Variants in XYLT1 observed in about 807,000 individuals in gnomAD.
XYLT1 encodes the protein xylosyltransferase 1.
XYLT1 carries 36 observed loss-of-function variants against 91.3 expected under a neutral mutation model. The ratio of observed to expected loss-of-function variants is 0.39; its 90% confidence interval spans 0.30 to 0.52. The LOEUF is 0.52. Ranked by LOEUF, XYLT1 falls within the 20% of genes least tolerant of loss-of-function variation. The pLI, the probability that XYLT1 is intolerant of heterozygous loss-of-function variation, is 0.68. For missense variants in XYLT1, 1,242 were observed against 1,284.5 expected, an observed-to-expected ratio of 0.97 and a Z score of 0.51; for synonymous variants, 588 against 532.0, an observed-to-expected ratio of 1.11 and a Z score of -1.45.
At chr16:17,180,259 A>G (rs2032038073) in intron 5 of XYLT1, among the ~76,000 whole-genome samples, 1 of 152,208 alleles carries the variant, frequency 6.6e-6, no homozygotes, top group African/African-American at 2.4e-5. Flanking sequence ...TGGTTGCACC[A>G]CAACCCAGCA....
rs542059799 is a variant in XYLT1, at chr16:17,375,418, C to T, written c.364-17368G>A. ...CATCCAACAGACCCCTGGGCAAAAACCCTGTCGCAATGCAAAAAAAAAAAT... is the reference window on the plus strand; with the variant it reads ...CATCCAACAGACCCCTGGGCAAAAATCCTGTCGCAATGCAAAAAAAAAAAT... On this transcript the variant is annotated intron_variant, in intron 1 of 11. Transcript: ENST00000261381. 5.4e-5 allele frequency among the ~76,000 whole-genome samples: 8 copies of T among 147,712 alleles called. No homozygotes were observed. In the South Asian group the frequency reaches 1.7e-3, roughly 32 times the overall value.
intron 5 of XYLT1, among the ~76,000 whole-genome samples, chr16:17,179,862 G>T (rs755372914): frequency 6.6e-6 from 1 of 152,124 alleles, no homozygotes; most frequent in Non-Finnish European, 1.5e-5. Flanking sequence ...GATAAACATG[G>T]ACATTTTCAA....
chr16:17,231,569 A>AT, intron 3 of XYLT1, among the ~76,000 whole-genome samples: 1 of 152,094 alleles, frequency 6.6e-6, no homozygotes, highest in Admixed American at 6.5e-5. Context: ...TTGTTATGAG[A>AT]TTTTGTTGCT....
intron 11 of XYLT1, among the ~76,000 whole-genome samples, chr16:17,110,288 C>T (rs1391348): frequency 0.18 from 27,935 of 152,144 alleles, 2,865 homozygotes; most frequent in South Asian, 0.32. Context: ...ATGGTTTGGC[C>T]GTGTCCCCAC....
At chr16:17,407,090 C>T (rs906484033) in intron 1 of XYLT1, among the ~76,000 whole-genome samples, 15 of 152,276 alleles carry the variant, frequency 9.9e-5, no homozygotes, top group Non-Finnish European at 1.8e-4. Flanking sequence ...CAACCTCTGC[C>T]TCCGGAGTTC....
chr16:17,240,768 C>T (rs1179548995), intron 3 of XYLT1, among the ~76,000 whole-genome samples: 1 of 152,126 alleles, frequency 6.6e-6, no homozygotes, highest in East Asian at 1.9e-4. Flanking sequence ...GCACCAGGTA[C>T]TTTATTATGT....
At chr16:17,267,307 A>G (rs2033821139) in intron 2 of XYLT1, among the ~76,000 whole-genome samples, 1 of 152,260 alleles carries the variant, frequency 6.6e-6, no homozygotes. Context: ...TCTATTTAAC[A>G]AAACAACATT....
intron 1 of XYLT1, among the ~76,000 whole-genome samples, chr16:17,455,004 C>G (rs1388044982): frequency 7.1e-6 from 1 of 141,692 alleles, no homozygotes; most frequent in Admixed American, 8.0e-5. Context: ...GGCTTGTAAG[C>G]TGGGGTTCGC....
chr16:17,262,921 G>A (rs1017177489), intron 2 of XYLT1, among the ~76,000 whole-genome samples: 1 of 152,126 alleles, frequency 6.6e-6, no homozygotes, highest in African/African-American at 2.4e-5. Context: ...TCAGGTACAG[G>A]AGCCAATTTT....
chr16:17,356,964 C>G (rs1007628502), intron 2 of XYLT1, among the ~76,000 whole-genome samples: 2 of 151,822 alleles, frequency 1.3e-5, no homozygotes, highest in African/African-American at 4.8e-5. Context: ...ATCACAAGGT[C>G]AGGAGATCAA....
intron 6 of XYLT1, among the ~76,000 whole-genome samples, chr16:17,148,196 C>T (rs142523626): frequency 1.3e-5 from 2 of 152,344 alleles, no homozygotes; most frequent in East Asian, 3.9e-4. Context: ...ATGCTTCTCA[C>T]AGGGCCTTGC....
chr16:17,458,182 G>A lies in XYLT1; in HGVS notation c.363+12252C>T, dbSNP rs574260032. Among the ~76,000 whole-genome samples, 17 of 152,304 alleles carry A rather than the reference G, an allele frequency of 1.1e-4. No homozygotes were observed. The East Asian group carries it at 2.3e-3, about 21-fold the overall frequency. On this transcript the variant is annotated intron_variant, in intron 1 of 11. Coordinates refer to ENST00000261381, the MANE Select transcript of XYLT1 (RefSeq NM_022166.4). ...CTTCTCCCCTCGCTCATTATGAAAT[G>A]ATTAGTTGTCTCCGATGCCCTTTTG...
chr16:17,447,216 A>C (rs963088238), intron 1 of XYLT1, among the ~76,000 whole-genome samples: 2 of 152,052 alleles, frequency 1.3e-5, no homozygotes, highest in African/African-American at 4.8e-5. Flanking sequence ...AGACCCTCCC[A>C]ATGCCCACCA....
intron 2 of XYLT1, among the ~76,000 whole-genome samples, chr16:17,318,387 A>G (rs1451328800): frequency 6.6e-6 from 1 of 152,204 alleles, no homozygotes; most frequent in Non-Finnish European, 1.5e-5. Context: ...GGGGAGGAGT[A>G]CATTTCATCA....
At chr16:17,358,629 A>G (rs1361110896) in intron 1 of XYLT1, among the ~76,000 whole-genome samples, 1 of 152,162 alleles carries the variant, frequency 6.6e-6, no homozygotes, top group East Asian at 1.9e-4. Flanking sequence ...AAATGCCCAC[A>G]TGGAGATCAC....
intron 1 of XYLT1, among the ~76,000 whole-genome samples, chr16:17,415,066 C>T (rs574535513): frequency 1.3e-5 from 2 of 152,260 alleles, no homozygotes; most frequent in African/African-American, 4.8e-5. Flanking sequence ...AAACCACCCT[C>T]ACAGGGGCGG....
intron 2 of XYLT1, among the ~76,000 whole-genome samples, chr16:17,347,690 G>A (rs1189336560): frequency 6.6e-6 from 1 of 152,240 alleles, no homozygotes; most frequent in Non-Finnish European, 1.5e-5. Flanking sequence ...CAAGATGACA[G>A]TGACTCCCCA....
At chr16:17,149,901 A>G (rs895727335) in intron 6 of XYLT1, among the ~76,000 whole-genome samples, 1 of 152,212 alleles carries the variant, frequency 6.6e-6, no homozygotes, top group Non-Finnish European at 1.5e-5. Flanking sequence ...GGCTTAGCAC[A>G]TAGTAAGGGC....
intron 6 of XYLT1, among the ~76,000 whole-genome samples, chr16:17,147,112 T>G (rs539334690): frequency 6.6e-6 from 1 of 152,332 alleles, no homozygotes; most frequent in East Asian, 1.9e-4. Flanking sequence ...AGTCATGTTC[T>G]TGCTGGGAAG....
Sources: gnomAD v4.1 joint callset for allele counts (sites outside exome capture counted in the v4.1 genomes callset) on GRCh38, gnomAD v4.1.1 for gene constraint, MANE v1.5 for transcripts, NCBI Gene and HGNC (gene_info 2026-07-23, HGNC 2026-07-21) for gene names.